The following SPOP variants were observed in gnomAD, a reference collection of about 807,000 sequenced individuals.
SPOP encodes speckle-type POZ protein.
SPOP carries 11 observed loss-of-function variants against 45.6 expected under a neutral mutation model. The ratio of observed to expected loss-of-function variants is 0.24; its 90% CI spans 0.15 to 0.40. The LOEUF is 0.40. Among genes scored for constraint, SPOP ranks in the 10% least tolerant of loss-of-function variants. The pLI is 1.00. For synonymous variants in SPOP, 166 were observed against 166.3 expected (o/e 1.00, Z 0.01); for missense variants, 152 against 465.6 (o/e 0.33, Z 6.20).
intron 1 of SPOP, among the ~76,000 whole-genome samples, chr17:49,669,119 T>G (rs985913601): frequency 2.8e-5 from 4 of 142,196 alleles, no homozygotes; most frequent in Non-Finnish European, 6.0e-5. Flanking sequence ...CAGGCGGGAG[T>G]GCAGTGGTGC....
chr17:49,647,320 A>T (rs2072775955), intron 1 of SPOP, among the ~76,000 whole-genome samples: 1 of 148,716 alleles, frequency 6.7e-6, no homozygotes, highest in African/African-American at 2.4e-5. Flanking sequence ...TCTTAAAAAA[A>T]AAAAAAAAAA....
chr17:49,640,361 G>GT lies in SPOP; in HGVS notation c.-66-17486dup, dbSNP rs202156872. ...GTGAGTACATCTTGCAAATAATACAGTTTTTTTAAAAAAAAAGACAATTTA... is the reference window on the plus strand; with the variant it reads ...GTGAGTACATCTTGCAAATAATACAGTTTTTTTTAAAAAAAAAGACAATTTA... On this transcript the variant is annotated intron_variant, in intron 1 of 9. Transcript: ENST00000504102. Among the ~76,000 whole-genome samples the GT allele has an allele frequency of 6.9e-4, 105 of 151,668 alleles. 1 individual carries two copies. Among genetic ancestry groups the GT allele is most frequent in the African/African-American group, 2.0e-3 (82 of 41,354 alleles).
At chr17:49,631,112 A>T (rs1451664552) in intron 1 of SPOP, among the ~76,000 whole-genome samples, 1 of 152,228 alleles carries the variant, frequency 6.6e-6, no homozygotes, top group Non-Finnish European at 1.5e-5. Context: ...CCTTTAATCC[A>T]GCAATTTCAC....
chr17:49,612,732 C>T (rs2072000816), intron 5 of SPOP: 1 of 152,242 alleles, frequency 6.6e-6, no homozygotes, highest in South Asian at 2.1e-4. Flanking sequence ...TCATCTCCTA[C>T]ATCACATTCT....
intron 1 of SPOP, among the ~76,000 whole-genome samples, chr17:49,624,308 AACACACACACACGCGCGCGCGCGCAC>A: frequency 7.3e-6 from 1 of 136,446 alleles, no homozygotes; most frequent in African/African-American, 2.8e-5. Context: ...CCTACGCGGG[AACACACACACACGCGCGCGCGCGCAC>A]ACACACACAC....
chr17:49,663,410 C>T (rs1485219949), intron 1 of SPOP, among the ~76,000 whole-genome samples: 1 of 152,248 alleles, frequency 6.6e-6, no homozygotes, highest in African/African-American at 2.4e-5. Context: ...GGGACCACTG[C>T]TAGCATGAGC....
At chr17:49,620,577 G>A (rs913053816) in intron 3 of SPOP, 1 of 152,930 alleles carries the variant, frequency 6.5e-6, no homozygotes, top group African/African-American at 2.4e-5. Flanking sequence ...TAAAATAAAA[G>A]AGGCAATATG....
chr17:49,677,018 A>G (rs369115424), intron 1 of SPOP, among the ~76,000 whole-genome samples: 2 of 152,236 alleles, frequency 1.3e-5, no homozygotes, highest in East Asian at 3.8e-4. Context: ...AGTGCTAAGG[A>G]AGATCTTTGA....
intron 1 of SPOP, among the ~76,000 whole-genome samples, chr17:49,651,019 C>T (rs752661410): frequency 3.3e-5 from 5 of 152,096 alleles, no homozygotes; most frequent in Non-Finnish European, 2.9e-5. Context: ...AAGCCAGCAG[C>T]GGAGTTTAGA....
intron 1 of SPOP, among the ~76,000 whole-genome samples, chr17:49,673,944 C>T (rs1004634523): frequency 1.5e-4 from 23 of 152,198 alleles, no homozygotes; most frequent in African/African-American, 4.8e-4. Context: ...GTCAGGAATT[C>T]GAGACCAGCC....
At chr17:49,650,591 T>C (rs998810929) in intron 1 of SPOP, among the ~76,000 whole-genome samples, 1 of 151,946 alleles carries the variant, frequency 6.6e-6, no homozygotes, top group Non-Finnish European at 1.5e-5. Context: ...AAAATAATAA[T>C]AACAATAATA....
intron 1 of SPOP, among the ~76,000 whole-genome samples, chr17:49,659,257 G>A (rs187659731): frequency 3.8e-4 from 58 of 152,180 alleles, no homozygotes; most frequent in African/African-American, 1.3e-3. Flanking sequence ...CTTGATCTAC[G>A]TTTTGAACCT....
chr17:49,657,107 C>G (rs1387566221), intron 1 of SPOP, among the ~76,000 whole-genome samples: 1 of 151,826 alleles, frequency 6.6e-6, no homozygotes, highest in Non-Finnish European at 1.5e-5. Flanking sequence ...ATGTGGTGAA[C>G]CTGGGAGGCG....
chr17:49,599,245 G>C lies in SPOP; in HGVS notation c.*1133C>G. On this transcript the variant is annotated 3_prime_UTR_variant, in exon 10 of 10. Coordinates refer to ENST00000504102, the MANE Select transcript of SPOP (RefSeq NM_001007228.2). ...CAAGGGACTCAGACCCAAGAGACAAGGCAGGTGAGTGAAACAAAAGACCAG... is the reference window on the plus strand; with the variant it reads ...CAAGGGACTCAGACCCAAGAGACAACGCAGGTGAGTGAAACAAAAGACCAG... 4.5e-6 allele frequency: 1 copy of C among 221,294 alleles called. No homozygotes were observed. The highest frequency in any genetic ancestry group is 9.1e-6 in the Non-Finnish European group (1 of 110,452). The allele number at this position is 221,294 out of a possible 1,614,324, so 13.7% of individuals were successfully genotyped here.
chr17:49,622,443 G>T (rs2072238682), intron 2 of SPOP: 5 of 520,278 alleles, frequency 9.6e-6, no homozygotes, highest in Non-Finnish European at 1.7e-5. Context: ...TCTCAAACTT[G>T]TTTCCCCAAC....
intron 1 of SPOP, among the ~76,000 whole-genome samples, chr17:49,643,922 C>T (rs1456418295): frequency 6.8e-6 from 1 of 147,074 alleles, no homozygotes; most frequent in Non-Finnish European, 1.5e-5. Context: ...AGAGTGAGAC[C>T]CGTCTCAAGG....
At chr17:49,647,960 A>T (rs2072786782) in intron 1 of SPOP, among the ~76,000 whole-genome samples, 1 of 152,214 alleles carries the variant, frequency 6.6e-6, no homozygotes, top group Non-Finnish European at 1.5e-5. Context: ...AAGCTTACAG[A>T]AAAGCACAAT....
At position 49,637,516 on chromosome 17, in the gene SPOP, A is replaced by G. The variant is rs1158725227; in HGVS notation, c.-66-14640T>C. Reference sequence around the variant, plus strand: ...CAGGTGCCTGCCACCACGCCTGGCTAATTTTTGTATTTTTAATAGAGACGG... The same window carrying G: ...CAGGTGCCTGCCACCACGCCTGGCTGATTTTTGTATTTTTAATAGAGACGG... On this transcript the variant is annotated intron_variant, in intron 1 of 9. Transcript: ENST00000504102. Among the ~76,000 whole-genome samples the G allele has an allele frequency of 7.2e-5, 11 of 152,044 alleles. No homozygotes were observed. In the East Asian group the frequency reaches 1.2e-3, roughly 16 times the overall value.
chr17:49,628,350 T>C (rs538849247), intron 1 of SPOP, among the ~76,000 whole-genome samples: 1 of 152,348 alleles, frequency 6.6e-6, no homozygotes, highest in African/African-American at 2.4e-5. Flanking sequence ...CTCTGTCAAC[T>C]GTAATACTGC....
Sources: allele counts gnomAD v4.1 joint callset (sites outside exome capture counted in the v4.1 genomes callset), GRCh38; gene constraint gnomAD v4.1.1; transcripts MANE v1.5; gene names NCBI Gene and HGNC (gene_info 2026-07-23, HGNC 2026-07-21).